Variants in PCSK6 observed in about 807,000 individuals in gnomAD.
PCSK6 encodes the protein proprotein convertase subtilisin/kexin type 6, also known as paired basic amino acid cleaving enzyme 4.
In PCSK6, 85 loss-of-function variants were observed where a neutral mutation model predicts 123.3. The ratio of observed to expected loss-of-function variants is 0.69; its 90% CI spans 0.58 to 0.83. The LOEUF (loss-of-function observed/expected upper bound fraction) is 0.83. Among genes scored for constraint, PCSK6 ranks in the 40% least tolerant of loss-of-function variants. The probability of loss-of-function intolerance (pLI) is 0.00; values close to 1 mark genes in which losing one functional copy is unlikely to be tolerated. For synonymous variants in PCSK6, 508 were observed against 516.0 expected, an observed-to-expected ratio of 0.98 and a Z score of 0.21; for missense variants, 1,191 against 1,282.3, an observed-to-expected ratio of 0.93 and a Z score of 1.09.
chr15:101,430,290 G>A (rs2056407048), intron 4 of PCSK6, among the ~76,000 whole-genome samples: 1 of 150,502 alleles, frequency 6.6e-6, no homozygotes, highest in South Asian at 2.1e-4. Flanking sequence ...CACAGTGCTT[G>A]AGGCCATCGC....
At chr15:101,421,726 G>C (rs2141089784) in intron 6 of PCSK6, among the ~76,000 whole-genome samples, 1 of 152,270 alleles carries the variant, frequency 6.6e-6, no homozygotes, top group Non-Finnish European at 1.5e-5. Flanking sequence ...AGCTTGACTG[G>C]AACTTCACCA....
intron 1 of PCSK6, among the ~76,000 whole-genome samples, chr15:101,464,060 G>A (rs1332828568): frequency 6.6e-6 from 1 of 152,098 alleles, no homozygotes; most frequent in Non-Finnish European, 1.5e-5. Context: ...GAAGACAGTG[G>A]TTTTGGCAGC....
rs2141118793 is a variant in PCSK6 at position 101,431,377 on chromosome 15, C to T, written c.600G>A (p.Val200=). ...CTATGCCATCATCAAGGATGGTGAC[C>T]ACCACGTTTTTTCCTGTGTAGCCCC... ...WKRGYTGKNV[V]VTILDDGIER... is the part of the protein sequence containing the mutation. Residue 200 remains valine, a synonymous_variant, in exon 4 of 22, where the codon GTG becomes GTA. Coordinates refer to ENST00000611716, the MANE Select transcript of PCSK6 (RefSeq NM_002570.5). 6.2e-7 allele frequency: 1 copy of T among 1,613,914 alleles called. No homozygotes were observed. The highest frequency in any genetic ancestry group is 8.5e-7 in the Non-Finnish European group (1 of 1,179,870).
At chr15:101,405,269 T>C (rs2042735826) in intron 6 of PCSK6, among the ~76,000 whole-genome samples, 2 of 152,222 alleles carry the variant, frequency 1.3e-5, no homozygotes, top group Admixed American at 1.3e-4. Flanking sequence ...TTTGGGCAAA[T>C]TGTTTTGATG....
Position 101,312,646 on chromosome 15 carries a change from C to T in PCSK6, c.2699+730G>A, listed in dbSNP as rs149365910. 5.7e-3 allele frequency among the ~76,000 whole-genome samples: 868 copies of T among 152,260 alleles called. 6 individuals carry two copies. Among genetic ancestry groups the T allele is most frequent in the Non-Finnish European group, 0.01 (692 of 68,022 alleles). On this transcript the variant is annotated intron_variant, in intron 20 of 21. Coordinates refer to ENST00000611716, the MANE Select transcript of PCSK6 (RefSeq NM_002570.5). Reference sequence around the variant, plus strand: ...AGGAGTTCGAGACCAGCCTGGCCAACGTGGTGAAACCCGGTCTCTATTAAA... The same window carrying T: ...AGGAGTTCGAGACCAGCCTGGCCAATGTGGTGAAACCCGGTCTCTATTAAA...
intron 6 of PCSK6, among the ~76,000 whole-genome samples, chr15:101,403,446 A>G (rs984900906): frequency 1.1e-4 from 16 of 151,584 alleles, no homozygotes; most frequent in South Asian, 6.3e-4. Context: ...AAGAGAGAGA[A>G]AAAAAAATGG....
intron 1 of PCSK6, among the ~76,000 whole-genome samples, chr15:101,460,678 C>G (rs1004753780): frequency 6.6e-6 from 1 of 152,194 alleles, no homozygotes; most frequent in African/African-American, 2.4e-5. Context: ...TGTCTAAGAA[C>G]TGATTTCCAA....
chr15:101,398,569 G>A lies in PCSK6; in HGVS notation c.831C>T (p.Arg277=), dbSNP rs555826024. Residue 277 remains arginine, a synonymous_variant, in exon 7 of 22, where the codon CGC becomes CGT. Transcript: ENST00000611716. The surrounding 1 kb of genome is among the most constrained non-coding windows in gnomAD (Gnocchi z 4.6). ...IAYNAKIGGI[R]MLDGDVTDVV... ...CATCTGTGACATCGCCGTCCAGCATGCGGATGCCTGAAAGCACAGAGGAGG... is the reference window on the plus strand; with the variant it reads ...CATCTGTGACATCGCCGTCCAGCATACGGATGCCTGAAAGCACAGAGGAGG... 34 of 1,611,612 alleles carry A rather than the reference G, an allele frequency of 2.1e-5. No homozygotes were observed. In the East Asian group the frequency reaches 2.5e-4, roughly 12 times the overall value.
At chr15:101,333,045 G>A (rs144900717) in intron 13 of PCSK6, among the ~76,000 whole-genome samples, 136 of 152,318 alleles carry the variant, frequency 8.9e-4, no homozygotes, top group African/African-American at 2.8e-3. Flanking sequence ...AAATATCATC[G>A]AAATAAGTCA....
chr15:101,322,438 A>C, intron 18 of PCSK6, 82 bp downstream of exon 18: 1 of 953,400 alleles, frequency 1.0e-6, no homozygotes, highest in Non-Finnish European at 1.6e-6. Context: ...TTTTAGGAGA[A>C]ATGCACCAAC....
At chr15:101,413,024 G>GAGGAGGAGT (rs1555456847) in intron 6 of PCSK6, among the ~76,000 whole-genome samples, 39 of 148,038 alleles carry the variant, frequency 2.6e-4, no homozygotes, top group Non-Finnish European at 3.9e-4. Context: ...GGAGGAGGAG[G>GAGGAGGAGT]AGGAGGAGGA....
intron 8 of PCSK6, among the ~76,000 whole-genome samples, chr15:101,392,360 A>T (rs946763919): frequency 2.0e-5 from 3 of 152,248 alleles, no homozygotes; most frequent in Non-Finnish European, 2.9e-5. Context: ...GGTGCGGAGC[A>T]AAGCCGAGAA....
chr15:101,391,512 C>T (rs1446796815), intron 8 of PCSK6, among the ~76,000 whole-genome samples: 1 of 152,232 alleles, frequency 6.6e-6, no homozygotes, highest in African/African-American at 2.4e-5. Context: ...GTTCAGTGAA[C>T]GAACATACCC....
At chr15:101,364,412 C>T (rs1399183486) in intron 13 of PCSK6, among the ~76,000 whole-genome samples, 2 of 151,986 alleles carry the variant, frequency 1.3e-5, no homozygotes, top group Non-Finnish European at 2.9e-5. Context: ...TGGTTGTAAC[C>T]CCATTACCTA....
chr15:101,382,982 AT>A (rs922969559), intron 10 of PCSK6, among the ~76,000 whole-genome samples: 1 of 152,182 alleles, frequency 6.6e-6, no homozygotes, highest in African/African-American at 2.4e-5. Flanking sequence ...CTTGACCTAT[AT>A]TTTACAGATA....
At chr15:101,465,137 A>G (rs2141217231) in intron 1 of PCSK6, among the ~76,000 whole-genome samples, 1 of 152,236 alleles carries the variant, frequency 6.6e-6, no homozygotes, top group South Asian at 2.1e-4. Flanking sequence ...GGAGGCTGGG[A>G]CCCTTTAAGA....
chr15:101,339,173 T>C (rs1464925993), intron 13 of PCSK6, among the ~76,000 whole-genome samples: 1 of 152,206 alleles, frequency 6.6e-6, no homozygotes, highest in African/African-American at 2.4e-5. Context: ...GAAAGTTCTA[T>C]TAGATTAAGG....
intron 19 of PCSK6, among the ~76,000 whole-genome samples, chr15:101,315,485 G>T (rs1478347307): frequency 6.6e-6 from 1 of 152,232 alleles, no homozygotes; most frequent in African/African-American, 2.4e-5. Context: ...TGCTTATACA[G>T]GACCTGCTAT....
intron 1 of PCSK6, among the ~76,000 whole-genome samples, chr15:101,453,343 G>A (rs112875921): frequency 2.6e-5 from 4 of 152,276 alleles, no homozygotes; most frequent in African/African-American, 9.6e-5. Context: ...CCTGCTCCCC[G>A]CAGGCTGCCC....
Sources: allele counts gnomAD v4.1 joint callset (sites outside exome capture counted in the v4.1 genomes callset), GRCh38; gene constraint gnomAD v4.1.1; non-coding constraint Gnocchi (gnomAD v3.1); transcripts MANE v1.5; gene names NCBI Gene and HGNC (gene_info 2026-07-23, HGNC 2026-07-21).